KANSL1L: variants seen among roughly 807,000 people sequenced by gnomAD.
KANSL1L encodes KAT8 regulatory NSL complex subunit 1 like.
In KANSL1L, 25 loss-of-function variants were observed where a neutral mutation model predicts 108.6. The observed-to-expected ratio is 0.23, with a 90% confidence interval of 0.17 to 0.32. The LOEUF is 0.32. Ranked by LOEUF, KANSL1L falls within the 10% of genes least tolerant of loss-of-function variation. The pLI is 1.00. For missense variants in KANSL1L, 1,137 were observed against 1,125.7 expected, an observed-to-expected ratio of 1.01 and a Z score of -0.14; for synonymous variants, 405 against 395.1, an observed-to-expected ratio of 1.03 and a Z score of -0.30.
In KANSL1L at chr2:210,153,951, G is replaced by A; in HGVS notation, c.632C>T (p.Ser211Phe). 1 of 1,613,470 alleles carries A rather than the reference G, an allele frequency of 6.2e-7. No individual in the cohort carries two copies. Reference sequence around the variant, plus strand: ...TTCCTCCTCTTTTTCAGCAGCTGAAGAACTAACAGGCACATTTGAGTGGCC... The same window carrying A: ...TTCCTCCTCTTTTTCAGCAGCTGAAAAACTAACAGGCACATTTGAGTGGCC... ...VPGHSNVPVSSSAAEKEEEVH... is the reference protein window; with the variant it reads ...VPGHSNVPVSFSAAEKEEEVH... The change falls in exon 2 of 15, where the codon TCT becomes TTT. Residue 211 changes from serine to phenylalanine, a missense_variant. Physicochemically the swap from Ser to Phe is radical, Grantham distance 155 (BLOSUM62 -2). This residue lies in a region of KANSL1L where 556 missense variants were observed against 537.7 expected (regional missense o/e 1.03). Coordinates refer to ENST00000281772, the MANE Select transcript of KANSL1L (RefSeq NM_152519.4).
chr2:210,107,004 T>C (rs531535026), intron 3 of KANSL1L, among the ~76,000 whole-genome samples: 3 of 152,134 alleles, frequency 2.0e-5, no homozygotes, highest in Non-Finnish European at 2.9e-5. Context: ...TATTCTGATA[T>C]GTAAAACAAC....
At chr2:210,146,968 G>C (rs1335292282) in intron 2 of KANSL1L, among the ~76,000 whole-genome samples, 1 of 152,106 alleles carries the variant, frequency 6.6e-6, no homozygotes, top group African/African-American at 2.4e-5. Flanking sequence ...TGTAGATATA[G>C]AAGTACAGCT....
chr2:210,103,843 A>T (rs2094819905), intron 4 of KANSL1L, among the ~76,000 whole-genome samples: 1 of 152,146 alleles, frequency 6.6e-6, no homozygotes. Flanking sequence ...AGGATTTTCT[A>T]ATCCCTGTAA....
intron 6 of KANSL1L, among the ~76,000 whole-genome samples, chr2:210,071,253 CT>C (rs1382571470): frequency 6.6e-6 from 1 of 151,750 alleles, no homozygotes; most frequent in Non-Finnish European, 1.5e-5. Context: ...TAAATTCCCC[CT>C]TTTCATTTTT....
At chr2:210,065,654 C>T (rs913979583) in intron 6 of KANSL1L, among the ~76,000 whole-genome samples, 39 of 146,530 alleles carry the variant, frequency 2.7e-4, no homozygotes, top group African/African-American at 8.6e-4. Flanking sequence ...GGCATGATCT[C>T]GGCTCACGGC....
At chr2:210,117,000 G>T (rs1485604056) in intron 3 of KANSL1L, among the ~76,000 whole-genome samples, 1 of 152,098 alleles carries the variant, frequency 6.6e-6, no homozygotes, top group East Asian at 1.9e-4. Flanking sequence ...GGTAACACAA[G>T]AAGGAATTCA....
chr2:210,094,023 A>G (rs1439678797), intron 5 of KANSL1L, among the ~76,000 whole-genome samples: 1 of 152,172 alleles, frequency 6.6e-6, no homozygotes, highest in African/African-American at 2.4e-5. Context: ...ATTCATATAG[A>G]AGGTAAAGTG....
intron 2 of KANSL1L, among the ~76,000 whole-genome samples, chr2:210,137,363 TG>T (rs1447760299): frequency 6.6e-6 from 1 of 152,202 alleles, no homozygotes; most frequent in African/African-American, 2.4e-5. Context: ...AGCTTGACCT[TG>T]ATCATTTCAA....
At chr2:210,048,147 G>A (rs1461097913) in intron 6 of KANSL1L, among the ~76,000 whole-genome samples, 1 of 152,128 alleles carries the variant, frequency 6.6e-6, no homozygotes, top group Non-Finnish European at 1.5e-5. Context: ...ATGCTCTGAA[G>A]TGAAAACTGG....
chr2:210,112,356 C>T (rs1287063349), intron 3 of KANSL1L, among the ~76,000 whole-genome samples: 4 of 152,044 alleles, frequency 2.6e-5, no homozygotes, highest in South Asian at 2.1e-4. Context: ...TTAAAGGTAC[C>T]AGATAGAAAA....
In KANSL1L at chr2:210,104,138, C is replaced by T. The variant is rs2094823307; in HGVS notation, c.1394G>A (p.Ser465Asn). The T allele has an allele frequency of 6.2e-7, 1 of 1,613,838 alleles. No individual in the cohort carries two copies. The highest frequency in any genetic ancestry group is 1.3e-5 in the African/African-American group (1 of 74,920). Residue 465 changes from serine to asparagine, a missense_variant, in exon 4 of 15, where the codon AGC (serine) becomes AAC (asparagine). Physicochemically the swap from Ser to Asn is conservative, Grantham distance 46. Around this residue, in one of 3 missense-constraint regions of KANSL1L, gnomAD observed 556 missense variants for 537.7 expected, o/e 1.03. Coordinates refer to ENST00000281772, the MANE Select transcript of KANSL1L (RefSeq NM_152519.4). ...PEQDFEMSPSSPTLLLRNIEK... is the reference protein window; with the variant it reads ...PEQDFEMSPSNPTLLLRNIEK... The stretch of plus-strand genomic sequence containing the variant: ...GATGTTTCGAAGAAGTAAAGTAGGG[C>T]TGCTTGGTGACATTTCAAAATCTTG...
chr2:210,030,514 T>C (rs980934479), intron 9 of KANSL1L, among the ~76,000 whole-genome samples: 22 of 148,790 alleles, frequency 1.5e-4, no homozygotes, highest in Non-Finnish European at 2.4e-4. Flanking sequence ...TTTTTTTTTT[T>C]CCTGTTTTGG....
chr2:210,129,367 A>G (rs2095098797), intron 2 of KANSL1L, among the ~76,000 whole-genome samples, 195 bp from the exon 3 acceptor site: 1 of 152,176 alleles, frequency 6.6e-6, no homozygotes, highest in East Asian at 1.9e-4. Flanking sequence ...CACCCCACAA[A>G]TACCTGTTTT....
intron 12 of KANSL1L, among the ~76,000 whole-genome samples, chr2:210,026,697 TACTG>T (rs756799407): frequency 6.6e-6 from 1 of 152,232 alleles, no homozygotes; most frequent in Non-Finnish European, 1.5e-5. Flanking sequence ...ATATAATTAA[TACTG>T]ACAATGAATG....
chr2:210,078,492 CAAAT>C (rs1414887595), intron 5 of KANSL1L, among the ~76,000 whole-genome samples: 1 of 152,146 alleles, frequency 6.6e-6, no homozygotes, highest in Non-Finnish European at 1.5e-5. Context: ...CATCTATCCT[CAAAT>C]AAATGAATAC....
intron 6 of KANSL1L, among the ~76,000 whole-genome samples, chr2:210,058,682 A>T (rs1040123159): frequency 2.6e-5 from 4 of 151,950 alleles, no homozygotes; most frequent in African/African-American, 4.8e-5. Flanking sequence ...AAATATTTTT[A>T]AAAAATTAGC....
At chr2:210,097,851 G>A in intron 5 of KANSL1L, 1 of 247,808 alleles carries the variant, frequency 4.0e-6, no homozygotes, top group Non-Finnish European at 7.7e-6. Flanking sequence ...CTTTTTTTAA[G>A]AAACATTATG....
At chr2:210,055,787 T>G (rs2094343667) in intron 6 of KANSL1L, among the ~76,000 whole-genome samples, 2 of 152,132 alleles carry the variant, frequency 1.3e-5, no homozygotes, top group South Asian at 2.1e-4. Context: ...AATTTCTAAG[T>G]GGCAAAGCAT....
chr2:210,024,339 C>A, intron 13 of KANSL1L, 138 bp from the exon 14 acceptor site: 1 of 520,516 alleles, frequency 1.9e-6, no homozygotes, highest in South Asian at 3.5e-5. Flanking sequence ...TAAAAATTCC[C>A]CTGGTGCTAT....
Sources: allele counts gnomAD v4.1 joint callset (sites outside exome capture counted in the v4.1 genomes callset), GRCh38; gene constraint gnomAD v4.1.1; regional missense constraint gnomAD v4.1.1; transcripts MANE v1.5; gene names NCBI Gene and HGNC (gene_info 2026-07-23, HGNC 2026-07-21).